ITGAL: variants seen among roughly 807,000 people sequenced by gnomAD.
ITGAL encodes the protein integrin subunit alpha L, also known as integrin alpha-L.
A neutral mutation model predicts 138.4 loss-of-function variants in ITGAL; 68 were observed. That is an observed-to-expected ratio of 0.49 (90% CI 0.40 to 0.60). The LOEUF (loss-of-function observed/expected upper bound fraction) is 0.60, where lower values mean the gene tolerates loss of function less well. ITGAL is among the 20% of genes least tolerant of loss of function. The probability of loss-of-function intolerance (pLI) is 0.00; values close to 1 mark genes in which losing one functional copy is unlikely to be tolerated. For missense variants in ITGAL, 1,256 were observed against 1,478.6 expected, an observed-to-expected ratio of 0.85 and a Z score of 2.47; for synonymous variants, 561 against 584.3, an observed-to-expected ratio of 0.96 and a Z score of 0.57.
chr16:30,488,839 T>C, intron 9 of ITGAL: 1 of 496,120 alleles, frequency 2.0e-6, no homozygotes, highest in Non-Finnish European at 3.7e-6. Context: ...ATTGCGCCAC[T>C]GCACTCCAAC....
intron 18 of ITGAL, 98 bp downstream of exon 18, chr16:30,504,362 AGCACTTTGGGAGGCTG>A: frequency 1.1e-6 from 1 of 923,570 alleles, no homozygotes; most frequent in Non-Finnish European, 1.8e-6. Context: ...CTATAATCCC[AGCACTTTGGGAGGCTG>A]AAGTGGGTGG....
At chr16:30,519,318 G>C (rs534288436) in intron 29 of ITGAL, among the ~76,000 whole-genome samples, 1 of 152,204 alleles carries the variant, frequency 6.6e-6, no homozygotes, top group South Asian at 2.1e-4. Flanking sequence ...AGGAGTTCAA[G>C]GCTGCAGTGA....
intron 20 of ITGAL, among the ~76,000 whole-genome samples, chr16:30,505,715 AC>A (rs1461973111): frequency 6.6e-6 from 1 of 152,098 alleles, no homozygotes; most frequent in Non-Finnish European, 1.5e-5. Flanking sequence ...AGACCCTGTC[AC>A]TAAAAAAAAA....
At position 30,504,192 on chromosome 16, in the gene ITGAL, C is replaced by A; in HGVS notation, c.2163C>A (p.Leu721=). Reference sequence around the variant, plus strand: ...ACCCTCAGGTATGTGTTCAAGACCTCATCTCCCCCATCAATGTTTCCCTGA... The same window carrying A: ...ACCCTCAGGTATGTGTTCAAGACCTAATCTCCCCCATCAATGTTTCCCTGA... The part of the protein sequence containing the change: ...SFHFPVCVQD[L]ISPINVSLNF... The change falls in exon 18 of 31, where the codon CTC becomes CTA. Residue 721 remains leucine, a synonymous_variant. Coordinates refer to ENST00000356798, the MANE Select transcript of ITGAL (RefSeq NM_002209.3). 1 of 1,613,424 alleles carries A rather than the reference C, an allele frequency of 6.2e-7. No homozygotes were observed.
rs1243366958 is a variant in ITGAL at position 30,499,187 on chromosome 16, A to G, written c.1946A>G (p.Asn649Ser). 4 of 1,614,190 alleles carry G rather than the reference A, an allele frequency of 2.5e-6. No homozygotes were observed. The Admixed American group carries it at 5.0e-5, about 20-fold the overall frequency. Residue 649 changes from asparagine (N) to serine (S), a missense_variant, in exon 16 of 31, where the codon AAT becomes AGT. By Grantham distance (46) the Asn-to-Ser change is conservative. This residue lies in a region of ITGAL where 867 missense variants were observed against 972.5 expected (regional missense o/e 0.89). Transcript: ENST00000356798. ...AGTAACAAGATGAAAGAAGGAGTTA[A>G]TATCACAATCTGTTTCCAGATCAAG... ...STSNKMKEGV[N>S]ITICFQIKSL...
chr16:30,496,591 C>T (rs754652518), intron 15 of ITGAL, 25 bp downstream of exon 15: 2 of 1,592,406 alleles, frequency 1.3e-6, no homozygotes, highest in Non-Finnish European at 1.7e-6. Context: ...CCAGGTCACA[C>T]CTGATGACCC....
At chr16:30,511,196 G>A (rs2051086865) in intron 24 of ITGAL, 60 bp downstream of exon 24, 5 of 1,351,318 alleles carry the variant, frequency 3.7e-6, no homozygotes, top group Admixed American at 1.7e-5. Flanking sequence ...CCAACCCAGG[G>A]CCCCGACTTT....
chr16:30,521,535 G>A lies in ITGAL; in HGVS notation c.3383G>A (p.Gly1128Asp). 1.2e-6 allele frequency: 2 copies of A among 1,614,232 alleles called. No individual in the cohort carries two copies. Among genetic ancestry groups the A allele is most frequent in the Non-Finnish European group, 1.7e-6 (2 of 1,180,042 alleles). ...AACCTGAAGGAGAAGATGGAGGCTG[G>A]CAGAGGTGTCCCGAATGGAATCCCT... ...KRNLKEKMEA[G>D]RGVPNGIPAE... Residue 1128 changes from glycine to aspartate, a missense_variant, in exon 31 of 31, where the codon GGC becomes GAC. Gly to Asp is a moderately conservative substitution (Grantham distance 94). This residue lies in a region of ITGAL where 867 missense variants were observed against 972.5 expected (regional missense o/e 0.89). Coordinates refer to ENST00000356798, the MANE Select transcript of ITGAL (RefSeq NM_002209.3).
chr16:30,479,207 G>A lies in ITGAL; in HGVS notation c.444G>A (p.Gln148=), dbSNP rs1439632247. Residue 148 remains glutamine, a splice_region_variant and synonymous_variant, in exon 5 of 31, where the codon CAG becomes CAA. Transcript: ENST00000356798. The part of the protein sequence containing the change: ...GPMLQGRPGF[Q]ECIKGNVDLV... ...TGCTGCAGGGGCGCCCTGGTTTTCA[G>A]GGTAAGGAACTGGGGACTCATTGGG... 1 of 1,614,060 alleles carries A rather than the reference G, an allele frequency of 6.2e-7. No homozygotes were observed.
chr16:30,498,657 G>A (rs2050839027), intron 15 of ITGAL: 1 of 158,092 alleles, frequency 6.3e-6, no homozygotes, highest in Non-Finnish European at 1.4e-5. Flanking sequence ...CCAGCACTTT[G>A]GGAGCCCAAG....
At chr16:30,503,211 T>C (rs917894241) in intron 17 of ITGAL, among the ~76,000 whole-genome samples, 6 of 152,130 alleles carry the variant, frequency 3.9e-5, no homozygotes, top group African/African-American at 9.7e-5. Context: ...GTTTCAACAA[T>C]TATCGACTCA....
chr16:30,513,932 C>A, intron 25 of ITGAL, 86 bp downstream of exon 25: 1 of 976,320 alleles, frequency 1.0e-6, no homozygotes, highest in Non-Finnish European at 1.6e-6. Context: ...CAAGTAGACA[C>A]AGTACTCATC....
rs1252745389 is a variant in ITGAL at position 30,475,577 on chromosome 16, T to A, written c.324T>A (p.Ile108=). The A allele has an allele frequency of 6.2e-7, 1 of 1,612,630 alleles. No homozygotes were observed. The highest frequency in any genetic ancestry group is 8.5e-7 in the Non-Finnish European group (1 of 1,178,868). Residue 108 remains isoleucine, a synonymous_variant, in exon 4 of 31, where the codon ATT becomes ATA. Coordinates refer to ENST00000356798, the MANE Select transcript of ITGAL (RefSeq NM_002209.3). Reference sequence around the variant, plus strand: ...CAACAGACCCCACAGATGGAAGCATTTTGGTAAGAATTTTGTGCAGTGGTG... The same window carrying A: ...CAACAGACCCCACAGATGGAAGCATATTGGTAAGAATTTTGTGCAGTGGTG... ...TLATDPTDGS[I]LACDPGLSRT...
intron 30 of ITGAL, among the ~76,000 whole-genome samples, chr16:30,520,465 C>T (rs2051235892): frequency 6.6e-6 from 1 of 152,058 alleles, no homozygotes; most frequent in Admixed American, 6.6e-5. Context: ...AGAGACTTTT[C>T]CACGGTCATT....
chr16:30,480,640 T>C (rs1189456763), intron 6 of ITGAL: 2 of 152,216 alleles, frequency 1.3e-5, no homozygotes, highest in African/African-American at 4.8e-5. Flanking sequence ...TATTTGTATA[T>C]TGCCTCATTT....
chr16:30,476,183 G>A (rs985618066), intron 4 of ITGAL, among the ~76,000 whole-genome samples: 2 of 151,868 alleles, frequency 1.3e-5, no homozygotes, highest in East Asian at 1.9e-4. Flanking sequence ...CCCGGGAGGC[G>A]GAGCTTGCAG....
At chr16:30,505,793 G>T (rs1054983169) in intron 20 of ITGAL, among the ~76,000 whole-genome samples, 1 of 152,298 alleles carries the variant, frequency 6.6e-6, no homozygotes, top group South Asian at 2.1e-4. Context: ...TTGAGGCAGA[G>T]GATGGCTTGA....
intron 11 of ITGAL, among the ~76,000 whole-genome samples, chr16:30,493,403 A>G (rs1400680235): frequency 2.0e-5 from 3 of 151,794 alleles, no homozygotes; most frequent in Admixed American, 2.0e-4. Context: ...CAGCCTCCCA[A>G]GTAGCTGGGA....
chr16:30,513,268 C>T (rs1056031114), intron 24 of ITGAL, among the ~76,000 whole-genome samples: 1 of 152,096 alleles, frequency 6.6e-6, no homozygotes, highest in Non-Finnish European at 1.5e-5. Context: ...TAGCCAAGGG[C>T]AGGTGTGTGC....
Sources: gnomAD v4.1 joint callset for allele counts (sites outside exome capture counted in the v4.1 genomes callset) on GRCh38, gnomAD v4.1.1 for gene constraint, gnomAD v4.1.1 regional missense constraint, MANE v1.5 for transcripts, NCBI Gene and HGNC (gene_info 2026-07-23, HGNC 2026-07-21) for gene names.